Variants in EEF1G observed in about 807,000 individuals in gnomAD.
The protein encoded by EEF1G is eukaryotic translation elongation factor 1 gamma, also known as elongation factor 1-gamma.
In EEF1G, 14 loss-of-function variants were observed where a neutral mutation model predicts 58.3. That is an observed-to-expected ratio of 0.24 (90% CI 0.16 to 0.38). The LOEUF (loss-of-function observed/expected upper bound fraction) is 0.38, where lower values mean the gene tolerates loss of function less well. Ranked by LOEUF, EEF1G falls within the 10% of genes least tolerant of loss-of-function variation. The probability of loss-of-function intolerance (pLI) is 1.00; values close to 1 mark genes in which losing one functional copy is unlikely to be tolerated. For synonymous variants in EEF1G, 180 were observed against 206.8 expected (o/e 0.87, Z 1.11); for missense variants, 322 against 550.1 (o/e 0.59, Z 4.15).
Position 62,567,024 on chromosome 11 carries a change from A to T in EEF1G, c.653-14T>A. The T allele has an allele frequency of 6.2e-7, 1 of 1,613,304 alleles. No individual in the cohort carries two copies. Among genetic ancestry groups the T allele is most frequent in the East Asian group, 2.2e-5 (1 of 44,864 alleles). On this transcript the variant is annotated splice_polypyrimidine_tract_variant and intron_variant, in intron 6 of 9. Coordinates refer to ENST00000329251, the MANE Select transcript of EEF1G (RefSeq NM_001404.5). ...CAAACTTTTTAGCTGGTGCAGAGGA[A>T]GGCAGGAAAGTGAACGAATGTTCTG...
chr11:62,567,337 T>C, intron 6 of EEF1G, 62 bp downstream of exon 6: 1 of 1,533,560 alleles, frequency 6.5e-7, no homozygotes, highest in African/African-American at 1.4e-5. Context: ...AATCAAGGGG[T>C]TGATGCAGAG....
At position 62,559,685 on chromosome 11, in the gene EEF1G, G is replaced by C; in HGVS notation, c.1308C>G (p.Phe436Leu). 1 of 1,613,932 alleles carries C rather than the reference G, an allele frequency of 6.2e-7. No individual in the cohort carries two copies. Among genetic ancestry groups the C allele is most frequent in the Admixed American group, 1.7e-5 (1 of 60,014 alleles). The stretch of plus-strand genomic sequence containing the variant: ...AGGTGATGGCAAGAGATGTTCACTT[G>C]AAGATCTTGCCCTGATTGAAGGCTT... ...VGKAFNQGKI[F>L]K The change falls in exon 10 of 10, where the codon TTC becomes TTG. Residue 436 changes from phenylalanine (F) to leucine (L), a missense_variant. Phe to Leu is a conservative substitution (Grantham distance 22). Transcript: ENST00000329251.
chr11:62,560,882 G>A (rs1401175043), intron 7 of EEF1G, among the ~76,000 whole-genome samples: 1 of 152,172 alleles, frequency 6.6e-6, no homozygotes, highest in African/African-American at 2.4e-5. Flanking sequence ...AATGTAAGCA[G>A]TGAACATTCT....
chr11:62,561,235 G>A (rs1021683993), intron 7 of EEF1G, among the ~76,000 whole-genome samples: 6 of 151,984 alleles, frequency 3.9e-5, no homozygotes, highest in African/African-American at 9.7e-5. Flanking sequence ...GTGAAACCCC[G>A]TTTCTACTAA....
intron 7 of EEF1G, among the ~76,000 whole-genome samples, chr11:62,561,933 T>C (rs1422188213): frequency 6.6e-6 from 1 of 152,214 alleles, no homozygotes; most frequent in Non-Finnish European, 1.5e-5. Context: ...GGAGTTGACC[T>C]GTGTTAAGCA....
Position 62,571,831 on chromosome 11 carries a change from A to T in EEF1G, c.235+7T>A, listed in dbSNP as rs1941635794. On this transcript the variant is annotated splice_region_variant and intron_variant, in intron 3 of 9. Coordinates refer to ENST00000329251, the MANE Select transcript of EEF1G (RefSeq NM_001404.5). ...TTCTCCCATTCCCATATACCCCTGC[A>T]AATTACCATAGTAGGCAATGGCGTT... The T allele has an allele frequency of 6.3e-7, 1 of 1,586,308 alleles. No homozygotes were observed. Among genetic ancestry groups the T allele is most frequent in the South Asian group, 1.2e-5 (1 of 86,420 alleles).
intron 1 of EEF1G, 53 bp downstream of exon 1, chr11:62,573,778 C>CAA: frequency 6.2e-7 from 1 of 1,612,958 alleles, no homozygotes; most frequent in Non-Finnish European, 8.5e-7. Flanking sequence ...CCCACTCGGG[C>CAA]AAAGGATGGC....
At chr11:62,563,740 C>T (rs575949333) in intron 7 of EEF1G, among the ~76,000 whole-genome samples, 6 of 152,274 alleles carry the variant, frequency 3.9e-5, no homozygotes, top group Non-Finnish European at 8.8e-5. Flanking sequence ...TCAACTGTTA[C>T]CCTGACCCTC....
intron 5 of EEF1G, among the ~76,000 whole-genome samples, chr11:62,569,167 G>A (rs1310036812): frequency 3.3e-5 from 5 of 151,746 alleles, no homozygotes; most frequent in Admixed American, 1.3e-4. Flanking sequence ...ATATTCAAAC[G>A]CATTTAGAAT....
intron 5 of EEF1G, among the ~76,000 whole-genome samples, chr11:62,567,913 T>A (rs1941575813): frequency 6.6e-6 from 1 of 150,992 alleles, no homozygotes; most frequent in Non-Finnish European, 1.5e-5. Flanking sequence ...AGAGATGGGG[T>A]TTCGCCCTGT....
At chr11:62,560,998 G>A (rs963888139) in intron 7 of EEF1G, among the ~76,000 whole-genome samples, 1 of 152,234 alleles carries the variant, frequency 6.6e-6, no homozygotes, top group Non-Finnish European at 1.5e-5. Context: ...AAAGCCCTTA[G>A]GTTCAGGTTA....
chr11:62,560,330 A>T lies in EEF1G; in HGVS notation c.982T>A (p.Phe328Ile), dbSNP rs1941479809. The T allele has an allele frequency of 6.2e-7, 1 of 1,611,446 alleles. No individual in the cohort carries two copies. Among genetic ancestry groups the T allele is most frequent in the African/African-American group, 1.3e-5 (1 of 74,880 alleles). ...GWSLWYSEYR[F>I]PEELTQTFMS... ...AAGGTCTGAGTGAGTTCTTCAGGGA[A>T]GCGATACTCTGAGTACCACAGGGAC... Residue 328 changes from phenylalanine to isoleucine, a missense_variant, in exon 8 of 10, where the codon TTC (phenylalanine) becomes ATC (isoleucine). Physicochemically the swap from Phe to Ile is conservative, Grantham distance 21 (BLOSUM62 0). Transcript: ENST00000329251.
chr11:62,565,924 C>T (rs985524896), intron 7 of EEF1G, among the ~76,000 whole-genome samples: 2 of 152,074 alleles, frequency 1.3e-5, no homozygotes, highest in Non-Finnish European at 2.9e-5. Flanking sequence ...CAAGCCATTA[C>T]AAGATGGGAG....
rs185619562 is a variant in EEF1G at position 62,569,166 on chromosome 11, C to T, written c.523-1638G>A. On this transcript the variant is annotated intron_variant, in intron 5 of 9. Coordinates refer to ENST00000329251, the MANE Select transcript of EEF1G (RefSeq NM_001404.5). ...AGAACATTCAAAGAAAATATTCAAA[C>T]GCATTTAGAATAATGGACAGTCCTG... Among the ~76,000 whole-genome samples, 12 of 152,124 alleles carry T rather than the reference C, an allele frequency of 7.9e-5. No homozygotes were observed. The East Asian group carries it at 1.5e-3, about 20-fold the overall frequency.
At chr11:62,571,256 C>A in intron 4 of EEF1G, 148 bp from the exon 5 acceptor site, 1 of 1,322,630 alleles carries the variant, frequency 7.6e-7, no homozygotes. Context: ...TAGGGTCATT[C>A]TAAATGTATT....
chr11:62,565,937 G>A (rs957478230), intron 7 of EEF1G, among the ~76,000 whole-genome samples: 2 of 152,100 alleles, frequency 1.3e-5, no homozygotes, highest in African/African-American at 2.4e-5. Flanking sequence ...GATGGGAGAG[G>A]GTGAAATGTA....
chr11:62,572,931 C>A, intron 1 of EEF1G, 189 bp from the exon 2 acceptor site: 1 of 483,626 alleles, frequency 2.1e-6, no homozygotes, highest in South Asian at 4.2e-5. Flanking sequence ...AACAGAACTA[C>A]ACACCAACTG....
At chr11:62,572,813 G>A (rs1236820274) in intron 1 of EEF1G, 71 bp from the exon 2 acceptor site, 1 of 1,428,886 alleles carries the variant, frequency 7.0e-7, no homozygotes, top group Non-Finnish European at 9.6e-7. Context: ...TCTCCAGGAT[G>A]ACTTTCCTGA....
At chr11:62,570,426 A>G (rs1941613630) in intron 5 of EEF1G, among the ~76,000 whole-genome samples, 1 of 152,180 alleles carries the variant, frequency 6.6e-6, no homozygotes, top group East Asian at 1.9e-4. Flanking sequence ...ACTAAGAATA[A>G]CCAATCTTCC....
Sources: gnomAD v4.1 joint callset for allele counts (sites outside exome capture counted in the v4.1 genomes callset) on GRCh38, gnomAD v4.1.1 for gene constraint, MANE v1.5 for transcripts, NCBI Gene and HGNC (gene_info 2026-07-23, HGNC 2026-07-21) for gene names.